The following GKAP1 variants were observed in gnomAD, a reference collection of about 807,000 sequenced individuals.
The protein encoded by GKAP1 is G kinase anchoring protein 1.
Under a neutral mutation model 56.7 loss-of-function variants are expected in GKAP1, and 31 were observed. The ratio of observed to expected loss-of-function variants is 0.55; its 90% confidence interval spans 0.41 to 0.74. The LOEUF (loss-of-function observed/expected upper bound fraction) is 0.74. Among genes scored for constraint, GKAP1 ranks in the 30% least tolerant of loss-of-function variants. GKAP1 has a pLI of 0.00. For synonymous variants in GKAP1, 151 were observed against 138.6 expected (o/e 1.09, Z -0.63); for missense variants, 364 against 402.3 (o/e 0.90, Z 0.82).
chr9:83,768,470 T>C (rs1943701007), intron 8 of GKAP1, among the ~76,000 whole-genome samples: 2 of 152,224 alleles, frequency 1.3e-5, no homozygotes, highest in African/African-American at 4.8e-5. Flanking sequence ...TTGTGCTGAA[T>C]GATGATCCTT....
At chr9:83,808,602 A>G (rs1394373218) in intron 2 of GKAP1, among the ~76,000 whole-genome samples, 4 of 152,224 alleles carry the variant, frequency 2.6e-5, no homozygotes, top group African/African-American at 9.6e-5. Flanking sequence ...TCTCAAAAAA[A>G]AATAATAATC....
intron 10 of GKAP1, among the ~76,000 whole-genome samples, chr9:83,743,607 A>G (rs1180352373): frequency 6.6e-6 from 1 of 152,178 alleles, no homozygotes; most frequent in Non-Finnish European, 1.5e-5. Context: ...ATAAATAAAT[A>G]AAAACAATGC....
At chr9:83,813,345 T>C (rs766965261) in intron 2 of GKAP1, among the ~76,000 whole-genome samples, 1 of 152,274 alleles carries the variant, frequency 6.6e-6, no homozygotes, top group East Asian at 1.9e-4. Context: ...GCTAATACTG[T>C]ATATTAAACA....
chr9:83,803,038 G>A (rs1460100371), intron 3 of GKAP1, among the ~76,000 whole-genome samples: 1 of 151,882 alleles, frequency 6.6e-6, no homozygotes. Context: ...GAGCCTGGGA[G>A]GCAGAGGTTG....
chr9:83,792,769 A>G (rs542576546), intron 4 of GKAP1, among the ~76,000 whole-genome samples: 2 of 152,196 alleles, frequency 1.3e-5, no homozygotes, highest in Non-Finnish European at 2.9e-5. Context: ...GACTGGGCCT[A>G]TAAGACAGGC....
At chr9:83,794,670 C>A (rs537978912) in intron 4 of GKAP1, among the ~76,000 whole-genome samples, 11 of 152,114 alleles carry the variant, frequency 7.2e-5, no homozygotes, top group African/African-American at 2.7e-4. Context: ...ATCACTGAAA[C>A]CCTTAAGAAG....
In GKAP1 at chr9:83,753,275, C is replaced by T. The variant is rs202221649; in HGVS notation, c.823G>A (p.Val275Ile). 2.8e-5 allele frequency: 45 copies of T among 1,601,906 alleles called. No individual in the cohort carries two copies. The East Asian group carries it at 9.4e-4, about 33-fold the overall frequency. ...KDAEIQKLKNVITQWEAKYKE... is the reference protein window; with the variant it reads ...KDAEIQKLKNIITQWEAKYKE... ...ACACAAACCTCCCATTGAGTGATTA[C>T]ATTTTTCAGCTTCTGGATTTCAGCA... The change falls in exon 9 of 13, where the codon GTA becomes ATA. Residue 275 changes from valine (V) to isoleucine (I), a missense_variant. Transcript: ENST00000376371.
At chr9:83,740,872 A>C (rs889221287) in intron 12 of GKAP1, among the ~76,000 whole-genome samples, 4 of 152,216 alleles carry the variant, frequency 2.6e-5, no homozygotes, top group Middle Eastern at 3.4e-3. Flanking sequence ...TTTCAACATC[A>C]ACATTATAAA....
At chr9:83,797,882 T>G (rs1944272957) in intron 4 of GKAP1, among the ~76,000 whole-genome samples, 1 of 152,226 alleles carries the variant, frequency 6.6e-6, no homozygotes, top group Non-Finnish European at 1.5e-5. Context: ...ATTCTATTAC[T>G]GGCTAAACAA....
At chr9:83,740,163 C>T (rs956985595) in intron 12 of GKAP1, among the ~76,000 whole-genome samples, 1 of 152,016 alleles carries the variant, frequency 6.6e-6, no homozygotes, top group Admixed American at 6.6e-5. Flanking sequence ...AGTTCTGTTG[C>T]GTTTTGCTCA....
intron 6 of GKAP1, among the ~76,000 whole-genome samples, chr9:83,783,256 T>G (rs139775829): frequency 6.6e-6 from 1 of 152,190 alleles, no homozygotes; most frequent in Non-Finnish European, 1.5e-5. Context: ...AATGAACAAA[T>G]AGCTGTTCAT....
intron 8 of GKAP1, among the ~76,000 whole-genome samples, chr9:83,764,534 G>C (rs746591583): frequency 2.0e-4 from 31 of 152,052 alleles, no homozygotes; most frequent in Non-Finnish European, 3.8e-4. Flanking sequence ...AGAGTCAGGG[G>C]CTGCTATAAA....
chr9:83,794,931 G>A (rs1367601495), intron 4 of GKAP1, among the ~76,000 whole-genome samples: 15 of 152,046 alleles, frequency 9.9e-5, no homozygotes, highest in Non-Finnish European at 2.9e-5. Flanking sequence ...GGGGAGGGGA[G>A]GATCATCTGA....
intron 12 of GKAP1, among the ~76,000 whole-genome samples, chr9:83,741,325 A>G (rs1217828485): frequency 5.3e-5 from 8 of 150,138 alleles, no homozygotes; most frequent in African/African-American, 1.7e-4. Context: ...TATGATTTAG[A>G]AACACATATA....
At position 83,808,973 on chromosome 9, in the gene GKAP1, C is replaced by CA. The variant is rs1332604824; in HGVS notation, c.-43-2414dup. 3.3e-5 allele frequency among the ~76,000 whole-genome samples: 5 copies of CA among 152,344 alleles called. No individual in the cohort carries two copies. In the East Asian group the frequency reaches 9.6e-4, roughly 29 times the overall value. ...TAATAAAGTCTGCAACCACAATGAA[C>CA]AAAGCCCCCTTACTAACCTGTGGTG... On this transcript the variant is annotated intron_variant, in intron 2 of 12. Coordinates refer to ENST00000376371, the MANE Select transcript of GKAP1 (RefSeq NM_025211.4).
intron 3 of GKAP1, among the ~76,000 whole-genome samples, chr9:83,803,700 C>T (rs897452476): frequency 6.6e-6 from 1 of 151,514 alleles, no homozygotes; most frequent in African/African-American, 2.4e-5. Context: ...AGGAGCGTCT[C>T]TGCCTGGCAG....
intron 9 of GKAP1, 34 bp downstream of exon 9, chr9:83,753,224 T>A: frequency 1.6e-6 from 2 of 1,234,354 alleles, no homozygotes; most frequent in African/African-American, 1.5e-5. Flanking sequence ...ATTTATAGAA[T>A]TATTTTCTTT....
intron 8 of GKAP1, among the ~76,000 whole-genome samples, chr9:83,757,054 G>C (rs1473703235): frequency 1.3e-5 from 2 of 152,192 alleles, no homozygotes; most frequent in African/African-American, 4.8e-5. Flanking sequence ...TATTAAAAAT[G>C]ACAGGGAAAA....
intron 6 of GKAP1, among the ~76,000 whole-genome samples, chr9:83,780,979 T>C (rs771066116): frequency 6.6e-6 from 1 of 152,162 alleles, no homozygotes; most frequent in Non-Finnish European, 1.5e-5. Flanking sequence ...CAAATACATC[T>C]AGATGAAACA....
Sources: allele counts gnomAD v4.1 joint callset (sites outside exome capture counted in the v4.1 genomes callset), GRCh38; gene constraint gnomAD v4.1.1; transcripts MANE v1.5; gene names NCBI Gene and HGNC (gene_info 2026-07-23, HGNC 2026-07-21).